The following TGM5 variants were observed in gnomAD, a reference collection of about 807,000 sequenced individuals.
The protein encoded by TGM5 is transglutaminase 5, also known as protein-glutamine gamma-glutamyltransferase 5.
In TGM5, 69 loss-of-function variants were observed where a neutral mutation model predicts 77.2. That is an observed-to-expected ratio of 0.89 (90% CI 0.74 to 1.09). The LOEUF (loss-of-function observed/expected upper bound fraction) is 1.09, where lower values mean the gene tolerates loss of function less well. Ranked by LOEUF, TGM5 falls within the 50% of genes least tolerant of loss-of-function variation. The pLI is 0.00. For missense variants in TGM5, 842 were observed against 896.5 expected, an observed-to-expected ratio of 0.94 and a Z score of 0.78; for synonymous variants, 346 against 351.8, an observed-to-expected ratio of 0.98 and a Z score of 0.18.
At chr15:43,256,259 A>T (rs997387521) in intron 4 of TGM5, among the ~76,000 whole-genome samples, 6 of 152,202 alleles carry the variant, frequency 3.9e-5, no homozygotes, top group African/African-American at 1.4e-4. Flanking sequence ...AATGCCGGGC[A>T]TCATCACTGC....
chr15:43,254,579 G>T (rs2042730426), intron 4 of TGM5, among the ~76,000 whole-genome samples: 1 of 152,072 alleles, frequency 6.6e-6, no homozygotes, highest in Non-Finnish European at 1.5e-5. Context: ...CCTTCAGAAG[G>T]CACATAAGTT....
chr15:43,246,659 G>A (rs1023135715), intron 6 of TGM5, among the ~76,000 whole-genome samples: 3 of 152,122 alleles, frequency 2.0e-5, no homozygotes, highest in African/African-American at 7.2e-5. Flanking sequence ...AAGCTAAGAT[G>A]GCTCAAATTT....
chr15:43,247,998 A>G (rs2042679816), intron 6 of TGM5, among the ~76,000 whole-genome samples: 2 of 152,158 alleles, frequency 1.3e-5, no homozygotes, highest in Non-Finnish European at 2.9e-5. Flanking sequence ...AAAGGGGGAA[A>G]TTAATTTTAA....
chr15:43,252,648 C>T, intron 6 of TGM5, 111 bp downstream of exon 6: 5 of 1,383,796 alleles, frequency 3.6e-6, no homozygotes, highest in Non-Finnish European at 5.1e-6. Flanking sequence ...GGCTTCCTTC[C>T]AAATGTCCCT....
In TGM5 at chr15:43,235,705, C is replaced by G; in HGVS notation, c.1478G>C (p.Ser493Thr). The change falls in exon 10 of 13, where the codon AGC (serine) becomes ACC (threonine). Residue 493 changes from serine (S) to threonine (T), a missense_variant. Ser to Thr is a moderately conservative substitution (Grantham distance 58). Around this residue, in one of 2 missense-constraint regions of TGM5, gnomAD observed 815 missense variants for 844.6 expected, o/e 0.96. Transcript: ENST00000220420. Reference protein sequence around the residue: ...PTSLSQDSPRSLHTPSLRPSD... With the variant: ...PTSLSQDSPRTLHTPSLRPSD... ...GGGTCGAAGGGAAGGTGTATGCAGG[C>G]TCCGAGGGCTGTCCTGGCTCAGTGA... The G allele has an allele frequency of 6.2e-7, 1 of 1,614,208 alleles. No individual in the cohort carries two copies. Among genetic ancestry groups the G allele is most frequent in the Non-Finnish European group, 8.5e-7 (1 of 1,180,050 alleles).
chr15:43,256,344 C>T lies in TGM5; in HGVS notation c.555+224G>A, dbSNP rs117375043. 5.6e-3 allele frequency among the ~76,000 whole-genome samples: 854 copies of T among 152,328 alleles called. 6 individuals are homozygous for T. Among genetic ancestry groups the T allele is most frequent in the Non-Finnish European group, 8.7e-3 (593 of 68,028 alleles). On this transcript the variant is annotated intron_variant, in intron 4 of 12. Coordinates refer to ENST00000220420, the MANE Select transcript of TGM5 (RefSeq NM_201631.4). ...CCTGGGTGAGGTGCCTTTAACTGCCCTTACCCTTAGCTCTTGTTGTCCAAA... is the reference window on the plus strand; with the variant it reads ...CCTGGGTGAGGTGCCTTTAACTGCCTTTACCCTTAGCTCTTGTTGTCCAAA...
chr15:43,246,626 C>T (rs1276788909), intron 6 of TGM5, among the ~76,000 whole-genome samples: 2 of 152,118 alleles, frequency 1.3e-5, no homozygotes, highest in African/African-American at 4.8e-5. Context: ...AACAAGTTAA[C>T]GAGATGAGAT....
intron 3 of TGM5, among the ~76,000 whole-genome samples, chr15:43,259,247 G>C (rs1199328002): frequency 6.6e-6 from 1 of 151,980 alleles, no homozygotes; most frequent in Non-Finnish European, 1.5e-5. Flanking sequence ...ACTAGATTTA[G>C]AGGTCAGGGC....
rs1165416965 is a variant in TGM5 at position 43,240,920 on chromosome 15, G to A, written c.933C>T (p.Asn311=). 2.0e-5 allele frequency: 32 copies of A among 1,614,026 alleles called. No homozygotes were observed. The highest frequency in any genetic ancestry group is 2.7e-5 in the Non-Finnish European group (32 of 1,180,042). Residue 311 remains asparagine (N), a synonymous_variant, in exon 7 of 13, where the codon AAC becomes AAT. Transcript: ENST00000220420. ...TGTCATAATACTCATCTATGATCAG[G>A]TTTCCATCTGTATCGTGGCCAGAGT... ...NFDSGHDTDG[N]LIIDEYYDNT...
At chr15:43,264,242 C>G (rs2042810424) in intron 1 of TGM5, among the ~76,000 whole-genome samples, 1 of 152,048 alleles carries the variant, frequency 6.6e-6, no homozygotes, top group South Asian at 2.1e-4. Flanking sequence ...TCAAGACATT[C>G]AACAAAGAGT....
At chr15:43,261,060 C>CTTTTTTTTTTTTTTTTTTTT (rs199676346) in intron 1 of TGM5, among the ~76,000 whole-genome samples, 4 of 90,616 alleles carry the variant, frequency 4.4e-5, no homozygotes, top group African/African-American at 1.9e-4. Context: ...GCTGCTCTTC[C>CTTTTTTTTTTTTTTTTTTTT]TTTTTTTGTG....
chr15:43,256,682 A>G lies in TGM5; in HGVS notation c.441T>C (p.Asp147=). 1 of 1,610,610 alleles carries G rather than the reference A, an allele frequency of 6.2e-7. No individual in the cohort carries two copies. Among genetic ancestry groups the G allele is most frequent in the Non-Finnish European group, 8.5e-7 (1 of 1,176,872 alleles). Reference sequence around the variant, plus strand: ...GGGGTTCACTGTCCAAGTAGACAGCATCCTCTAGGAACCAGAGTGGGAGGG... The same window carrying G: ...GGGGTTCACTGTCCAAGTAGACAGCGTCCTCTAGGAACCAGAGTGGGAGGG... The part of the protein sequence containing the change: ...ILLFNPWCPE[D]AVYLDSEPQR... Residue 147 remains aspartate (D), a synonymous_variant, in exon 4 of 13, where the codon GAT becomes GAC. Transcript: ENST00000220420.
intron 6 of TGM5, among the ~76,000 whole-genome samples, chr15:43,248,849 G>C (rs1000714445): frequency 6.6e-6 from 1 of 152,164 alleles, no homozygotes; most frequent in Non-Finnish European, 1.5e-5. Context: ...ACGTTTTAAA[G>C]GCCCCTACAT....
intron 5 of TGM5, 62 bp from the exon 6 acceptor site, chr15:43,252,998 G>T (rs1286542191): frequency 6.3e-6 from 10 of 1,579,922 alleles, no homozygotes; most frequent in Non-Finnish European, 8.6e-6. Context: ...GCCATGTGTG[G>T]GCTGCCTTGG....
intron 9 of TGM5, among the ~76,000 whole-genome samples, chr15:43,236,235 G>A (rs558346771): frequency 1.3e-5 from 2 of 152,194 alleles, no homozygotes; most frequent in South Asian, 4.2e-4. Flanking sequence ...TCTCCTCAAG[G>A]GAAAGATGAA....
intron 1 of TGM5, among the ~76,000 whole-genome samples, chr15:43,264,199 G>A (rs749584897): frequency 1.3e-5 from 2 of 152,102 alleles, no homozygotes; most frequent in Admixed American, 6.5e-5. Context: ...TTGTAAAATG[G>A]TGCAGCACTT....
At chr15:43,235,314 GGGGAAGGAGAAGA>G (rs1019778135) in intron 10 of TGM5, among the ~76,000 whole-genome samples, 142 bp downstream of exon 10, 1 of 150,748 alleles carries the variant, frequency 6.6e-6, no homozygotes, top group Admixed American at 6.6e-5. Context: ...AGGAAGGAAG[GGGGAAGGAGAAGA>G]GGGAAGGAGG....
rs181083834 is a variant in TGM5 at position 43,238,923 on chromosome 15, C to T, written c.1239G>A (p.Glu413=). 1.7e-4 allele frequency: 272 copies of T among 1,614,224 alleles called. No individual in the cohort carries two copies. Among genetic ancestry groups the T allele is most frequent in the Middle Eastern group, 1.5e-3 (9 of 6,062 alleles). Residue 413 remains glutamate, a synonymous_variant, in exon 9 of 13, where the codon GAG becomes GAA. Coordinates refer to ENST00000220420, the MANE Select transcript of TGM5 (RefSeq NM_201631.4). ...AACTCGTGTCCTGGTGAAGCTTCTGCTCCTTCCCTCCCTGGACGAGCCAGG... is the reference window on the plus strand; with the variant it reads ...AACTCGTGTCCTGGTGAAGCTTCTGTTCCTTCCCTCCCTGGACGAGCCAGG... ...CMSWLVQGGK[E]QKLHQDTSSV...
intron 7 of TGM5, among the ~76,000 whole-genome samples, chr15:43,240,050 C>T (rs1244022934): frequency 6.6e-6 from 1 of 152,182 alleles, no homozygotes; most frequent in Non-Finnish European, 1.5e-5. Context: ...AATCTCGCCT[C>T]CCCAAGGTGG....
Sources: allele counts gnomAD v4.1 joint callset (sites outside exome capture counted in the v4.1 genomes callset), GRCh38; gene constraint gnomAD v4.1.1; regional missense constraint gnomAD v4.1.1; transcripts MANE v1.5; gene names NCBI Gene and HGNC (gene_info 2026-07-23, HGNC 2026-07-21).